The following QTMAN variants were observed in gnomAD, a reference collection of about 807,000 sequenced individuals.
QTMAN encodes tRNA-queuosine alpha-mannosyltransferase.
chr2:144,224,011 T>C, the QTMAN span, among the ~76,000 whole-genome samples: 2 of 152,208 alleles, frequency 1.3e-5, no homozygotes, highest in African/African-American at 4.8e-5. Flanking sequence ...TCAATTAGAA[T>C]ACTCAAAATA....
the QTMAN span, among the ~76,000 whole-genome samples, chr2:144,012,712 A>C: frequency 3.9e-5 from 6 of 152,188 alleles, no homozygotes; most frequent in African/African-American, 1.2e-4. Context: ...CAAGGGTAAA[A>C]GTCCATATGA....
the QTMAN span, among the ~76,000 whole-genome samples, chr2:144,326,525 T>TG: frequency 2.1e-5 from 3 of 144,842 alleles, no homozygotes; most frequent in Non-Finnish European, 4.5e-5. Context: ...AGGTGGAGCT[T>TG]GCAGTGAGCC....
the QTMAN span, among the ~76,000 whole-genome samples, chr2:144,124,179 T>C: frequency 6.6e-6 from 1 of 152,128 alleles, no homozygotes; most frequent in African/African-American, 2.4e-5. Flanking sequence ...AATGTTCCTA[T>C]AGCCACTTTA....
the QTMAN span, among the ~76,000 whole-genome samples, chr2:144,172,722 A>C: frequency 6.6e-6 from 1 of 152,096 alleles, no homozygotes; most frequent in Admixed American, 6.6e-5. Flanking sequence ...ACAGTAGATA[A>C]AATTATTCAA....
the QTMAN span, among the ~76,000 whole-genome samples, chr2:144,113,261 AAGGAT>A: frequency 6.6e-6 from 1 of 152,214 alleles, no homozygotes; most frequent in Non-Finnish European, 1.5e-5. Context: ...AAAAATAAGA[AAGGAT>A]AAGTAAAGAC....
At chr2:144,332,572 C>T in the QTMAN span, 2 of 149,132 alleles carry the variant, frequency 1.3e-5, no homozygotes, top group African/African-American at 2.4e-5. Flanking sequence ...GCCGCCTCGG[C>T]CTCCGGGCGC....
At chr2:143,993,096 A>G in the QTMAN span, among the ~76,000 whole-genome samples, 1 of 152,180 alleles carries the variant, frequency 6.6e-6, no homozygotes, top group African/African-American at 2.4e-5. Context: ...TGTTTATGTG[A>G]AAAGTTACTT....
At chr2:144,086,916 T>C in the QTMAN span, among the ~76,000 whole-genome samples, 1 of 152,150 alleles carries the variant, frequency 6.6e-6, no homozygotes, top group Non-Finnish European at 1.5e-5. Flanking sequence ...ATTCCCAGAA[T>C]CTCCCTGTGT....
chr2:143,988,589 C>T, the QTMAN span, among the ~76,000 whole-genome samples: 2 of 152,196 alleles, frequency 1.3e-5, no homozygotes, highest in Non-Finnish European at 1.5e-5. Context: ...AACAACTCTA[C>T]GAGGTAGATA....
At chr2:144,262,536 C>T in the QTMAN span, among the ~76,000 whole-genome samples, 10 of 138,296 alleles carry the variant, frequency 7.2e-5, no homozygotes, top group Non-Finnish European at 1.4e-4. Flanking sequence ...TGCCACTGCA[C>T]TCCAGCCTGG....
the QTMAN span, among the ~76,000 whole-genome samples, chr2:144,094,745 A>C: frequency 6.6e-6 from 1 of 152,242 alleles, no homozygotes; most frequent in African/African-American, 2.4e-5. Flanking sequence ...ACACACAGCC[A>C]AACCATATCA....
At chr2:144,029,677 GA>G in the QTMAN span, among the ~76,000 whole-genome samples, 1 of 151,922 alleles carries the variant, frequency 6.6e-6, no homozygotes, top group African/African-American at 2.4e-5. Flanking sequence ...GGGGAGACAA[GA>G]AAAAGAAAAA....
the QTMAN span, among the ~76,000 whole-genome samples, chr2:144,207,100 G>T: frequency 6.6e-6 from 1 of 152,088 alleles, no homozygotes; most frequent in Non-Finnish European, 1.5e-5. Context: ...CATGTTCATT[G>T]AAATTCCTCA....
At chr2:144,328,503 C>T in the QTMAN span, among the ~76,000 whole-genome samples, 108 of 152,272 alleles carry the variant, frequency 7.1e-4, no homozygotes, top group African/African-American at 2.5e-3. Context: ...CTGAGTACAT[C>T]CAAAGGATAT....
the QTMAN span, among the ~76,000 whole-genome samples, chr2:144,218,810 T>C: frequency 2.0e-5 from 3 of 150,592 alleles, no homozygotes; most frequent in African/African-American, 7.3e-5. Context: ...TAAATGTCAC[T>C]GAGTATAAGG....
the QTMAN span, among the ~76,000 whole-genome samples, chr2:144,070,368 A>G: frequency 1.3e-5 from 2 of 152,124 alleles, no homozygotes; most frequent in African/African-American, 2.4e-5. Flanking sequence ...TGTATCTAGT[A>G]CCAACATATT....
the QTMAN span, among the ~76,000 whole-genome samples, chr2:144,253,646 A>C: frequency 6.6e-6 from 1 of 152,168 alleles, no homozygotes; most frequent in African/African-American, 2.4e-5. Context: ...TGTGAGACTT[A>C]GAACTTGAGT....
the QTMAN span, among the ~76,000 whole-genome samples, chr2:144,175,542 T>G: frequency 2.0e-5 from 3 of 152,120 alleles, no homozygotes; most frequent in Admixed American, 2.0e-4. Flanking sequence ...TAAATTCACA[T>G]GGCATCACAA....
At chr2:144,206,222 G>T in the QTMAN span, among the ~76,000 whole-genome samples, 1 of 152,148 alleles carries the variant, frequency 6.6e-6, no homozygotes, top group African/African-American at 2.4e-5. Flanking sequence ...TTGCATAGTA[G>T]GCAATATTGG....
Sources: allele counts gnomAD v4.1 joint callset (sites outside exome capture counted in the v4.1 genomes callset), GRCh38; gene constraint gnomAD v4.1.1; transcripts MANE v1.5; gene names NCBI Gene and HGNC (gene_info 2026-07-23, HGNC 2026-07-21).